Variants in ZNF385D observed in about 807,000 individuals in gnomAD.
ZNF385D encodes the protein zinc finger protein 659.
ZNF385D carries 15 observed loss-of-function variants against 35.8 expected under a neutral mutation model. The ratio of observed to expected loss-of-function variants is 0.42; its 90% CI spans 0.28 to 0.64. The LOEUF is 0.64. Among genes scored for constraint, ZNF385D ranks in the 30% least tolerant of loss-of-function variants. ZNF385D has a pLI of 0.23. For missense variants in ZNF385D, 474 were observed against 494.6 expected, an observed-to-expected ratio of 0.96 and a Z score of 0.39; for synonymous variants, 212 against 186.8, an observed-to-expected ratio of 1.13 and a Z score of -1.10.
At chr3:21,476,297 C>G (rs915749807) in intron 4 of ZNF385D, among the ~76,000 whole-genome samples, 2 of 152,016 alleles carry the variant, frequency 1.3e-5, no homozygotes, top group African/African-American at 4.8e-5. Flanking sequence ...GTTCATTCAG[C>G]CCCTAAAACA....
chr3:22,126,310 GTT>G (rs57457479), intron 3 of ZNF385D, among the ~76,000 whole-genome samples: 43,406 of 100,172 alleles, frequency 0.43, 6,494 homozygotes, highest in Admixed American at 0.48. Context: ...TTTGAAAGTT[GTT>G]TTTTTTTTTT....
intron 3 of ZNF385D, among the ~76,000 whole-genome samples, chr3:21,523,637 A>T (rs1200326861): frequency 6.6e-6 from 1 of 152,208 alleles, no homozygotes; most frequent in Non-Finnish European, 1.5e-5. Context: ...CCCAAATGTG[A>T]AGCTTTCAGA....
At chr3:21,742,070 C>G (rs2069541286) in intron 1 of ZNF385D, among the ~76,000 whole-genome samples, 1 of 141,582 alleles carries the variant, frequency 7.1e-6, no homozygotes, top group South Asian at 2.5e-4. Context: ...TTCAAACTCC[C>G]CACTTCTTTT....
chr3:22,030,030 C>T (rs1246468877), intron 3 of ZNF385D, among the ~76,000 whole-genome samples: 1 of 151,478 alleles, frequency 6.6e-6, no homozygotes, highest in East Asian at 2.0e-4. Flanking sequence ...ACAGCCTAAT[C>T]AGCTGCCAGC....
intron 2 of ZNF385D, among the ~76,000 whole-genome samples, chr3:22,169,247 C>T (rs1470755130): frequency 6.6e-6 from 1 of 152,088 alleles, no homozygotes; most frequent in African/African-American, 2.4e-5. Flanking sequence ...TTTATCTATT[C>T]CCAATACTGT....
At chr3:21,818,324 TATAATA>T (rs999453622) in intron 3 of ZNF385D, among the ~76,000 whole-genome samples, 2 of 152,172 alleles carry the variant, frequency 1.3e-5, no homozygotes, top group African/African-American at 4.8e-5. Flanking sequence ...GAACATAAGG[TATAATA>T]ATAACAAAAG....
intron 1 of ZNF385D, among the ~76,000 whole-genome samples, chr3:21,695,177 C>G (rs770273326): frequency 7.2e-5 from 11 of 152,160 alleles, no homozygotes; most frequent in African/African-American, 2.7e-4. Flanking sequence ...AATACAAAAG[C>G]GCGATGTGAA....
rs927138232 is a variant in ZNF385D, at chr3:21,727,364, A to T, written c.22+23531T>A. Among the ~76,000 whole-genome samples, 9 of 152,232 alleles carry T rather than the reference A, an allele frequency of 5.9e-5. 1 individual carries two copies. Among genetic ancestry groups the T allele is most frequent in the Admixed American group, 3.9e-4 (6 of 15,288 alleles). On this transcript the variant is annotated intron_variant, in intron 1 of 7. Coordinates refer to ENST00000281523, the MANE Select transcript of ZNF385D (RefSeq NM_024697.3). ...AAAGACCTTCTGCACAGCAAAAGAAACTATCATCAGAGGGAACAGGCAACC... is the reference window on the plus strand; with the variant it reads ...AAAGACCTTCTGCACAGCAAAAGAATCTATCATCAGAGGGAACAGGCAACC...
intron 4 of ZNF385D, among the ~76,000 whole-genome samples, chr3:21,443,914 G>A (rs1323918561): frequency 2.0e-5 from 3 of 152,108 alleles, no homozygotes; most frequent in African/African-American, 7.2e-5. Context: ...TTTATTATCT[G>A]TTTGAGGCAA....
chr3:21,944,674 A>G (rs1248245986), intron 3 of ZNF385D, among the ~76,000 whole-genome samples: 2 of 152,310 alleles, frequency 1.3e-5, no homozygotes, highest in Middle Eastern at 3.4e-3. Context: ...ATCATTTAGA[A>G]ACGTTAAATT....
At chr3:22,260,795 T>C (rs1360735642) in intron 2 of ZNF385D, among the ~76,000 whole-genome samples, 1 of 152,050 alleles carries the variant, frequency 6.6e-6, no homozygotes, top group Non-Finnish European at 1.5e-5. Flanking sequence ...GAATATGATA[T>C]TCCTGTAACT....
intron 3 of ZNF385D, among the ~76,000 whole-genome samples, chr3:21,978,882 A>G (rs896111263): frequency 6.6e-6 from 1 of 152,182 alleles, no homozygotes; most frequent in African/African-American, 2.4e-5. Context: ...TCAACTTAAA[A>G]AAAATTTACT....
chr3:22,229,655 G>A (rs1698766300), intron 2 of ZNF385D, among the ~76,000 whole-genome samples: 1 of 152,136 alleles, frequency 6.6e-6, no homozygotes, highest in Admixed American at 6.5e-5. Context: ...CCTTGCTCAA[G>A]CCACTCTTGG....
chr3:22,067,615 C>T (rs1053294002), intron 3 of ZNF385D, among the ~76,000 whole-genome samples: 4 of 152,152 alleles, frequency 2.6e-5, no homozygotes, highest in African/African-American at 9.7e-5. Context: ...ATGTTCACAG[C>T]TGATGTATGT....
At chr3:22,294,833 A>G (rs971961335) in intron 2 of ZNF385D, among the ~76,000 whole-genome samples, 2 of 152,176 alleles carry the variant, frequency 1.3e-5, no homozygotes, top group African/African-American at 4.8e-5. Flanking sequence ...CAAAGTTACT[A>G]AATTGTAAAG....
intron 2 of ZNF385D, among the ~76,000 whole-genome samples, chr3:22,206,411 G>A (rs563720606): frequency 6.6e-6 from 1 of 151,894 alleles, no homozygotes; most frequent in African/African-American, 2.4e-5. Flanking sequence ...GACTTAATCT[G>A]CACTACAGAC....
intron 4 of ZNF385D, among the ~76,000 whole-genome samples, chr3:21,454,103 C>A (rs4045436): frequency 6.0e-4 from 91 of 151,938 alleles, no homozygotes; most frequent in African/African-American, 1.8e-3. Context: ...TCACAAAATA[C>A]CACACGTTGT....
chr3:22,149,548 T>C (rs1179810393), intron 3 of ZNF385D, among the ~76,000 whole-genome samples: 2 of 152,162 alleles, frequency 1.3e-5, no homozygotes, highest in Non-Finnish European at 2.9e-5. Context: ...GCCCCAATAA[T>C]TGAATTTCAC....
At chr3:21,741,382 A>G (rs1479060084) in intron 1 of ZNF385D, among the ~76,000 whole-genome samples, 2 of 152,166 alleles carry the variant, frequency 1.3e-5, no homozygotes. Flanking sequence ...TTTCCTTAGT[A>G]TACAAATCCT....
Sources: gnomAD v4.1 joint callset for allele counts (sites outside exome capture counted in the v4.1 genomes callset) on GRCh38, gnomAD v4.1.1 for gene constraint, MANE v1.5 for transcripts, NCBI Gene and HGNC (gene_info 2026-07-23, HGNC 2026-07-21) for gene names.